Variants in ENTPD7 observed in about 807,000 individuals in gnomAD.
ENTPD7 encodes ectonucleoside triphosphate diphosphohydrolase 7.
ENTPD7 carries 53 observed loss-of-function variants against 77.9 expected under a neutral mutation model. The observed-to-expected ratio is 0.68, with a 90% CI of 0.55 to 0.85. ENTPD7 has a LOEUF of 0.85. Among genes scored for constraint, ENTPD7 ranks in the 40% least tolerant of loss-of-function variants. The pLI is 0.00. For missense variants in ENTPD7, 636 were observed against 743.7 expected (o/e 0.86, Z 1.68); for synonymous variants, 248 against 274.9 (o/e 0.90, Z 0.97).
At chr10:99,667,819 A>G (rs1334477916) in intron 3 of ENTPD7, among the ~76,000 whole-genome samples, 3 of 152,200 alleles carry the variant, frequency 2.0e-5, no homozygotes. Context: ...AGATAGACTC[A>G]ATAACTCAAA....
rs938196303 is a variant in ENTPD7 at position 99,710,409 on chromosome 10, C to G, written c.*5726C>G. 3.1e-5 allele frequency: 31 copies of G among 985,252 alleles called. No homozygotes were observed. The African/African-American group carries it at 5.2e-4, about 17-fold the overall frequency. 61.0% of individuals were successfully genotyped at this position (985,252 alleles called of 1,614,324 possible). ...CTTTATTTCTACCTTGATCAATGGCCTCTGCGGAGTGTAGTGAAAGACATC... is the reference window on the plus strand; with the variant it reads ...CTTTATTTCTACCTTGATCAATGGCGTCTGCGGAGTGTAGTGAAAGACATC... On this transcript the variant is annotated 3_prime_UTR_variant, in exon 13 of 13. Transcript: ENST00000370489.
At chr10:99,689,826 G>A (rs1208926476) in intron 7 of ENTPD7, among the ~76,000 whole-genome samples, 1 of 152,140 alleles carries the variant, frequency 6.6e-6, no homozygotes. Flanking sequence ...TTCTAATTCT[G>A]TCATTCCTTC....
chr10:99,670,473 T>C (rs2035607042), intron 3 of ENTPD7, among the ~76,000 whole-genome samples: 1 of 152,166 alleles, frequency 6.6e-6, no homozygotes, highest in Non-Finnish European at 1.5e-5. Context: ...TATATAATGA[T>C]TGGGATATGT....
At position 99,704,619 on chromosome 10, in the gene ENTPD7, C is replaced by T. The variant is rs1380703981; in HGVS notation, c.1751C>T (p.Ala584Val). The T allele has an allele frequency of 6.2e-7, 1 of 1,614,028 alleles. No homozygotes were observed. The highest frequency in any genetic ancestry group is 8.5e-7 in the Non-Finnish European group (1 of 1,180,038). Residue 584 changes from alanine (A) to valine (V), a missense_variant, in exon 13 of 13, where the codon GCT becomes GTT. Transcript: ENST00000370489. The stretch of plus-strand genomic sequence containing the variant: ...CACCACCGACAAACACGAGCCTCAG[C>T]TCCATTGGACTTGCTGTGGCTTGAA... Reference protein sequence around the residue: ...RIHHRQTRASAPLDLLWLEEV... With the variant: ...RIHHRQTRASVPLDLLWLEEV...
At chr10:99,691,235 T>C (rs1414812853) in intron 7 of ENTPD7, 150 bp from the exon 8 acceptor site, 7 of 768,552 alleles carry the variant, frequency 9.1e-6, no homozygotes, top group Non-Finnish European at 1.4e-5. Context: ...CACATAATCC[T>C]CCCACCTTGG....
At chr10:99,699,041 C>T (rs533054127) in intron 10 of ENTPD7, among the ~76,000 whole-genome samples, 183 bp downstream of exon 10, 11 of 152,318 alleles carry the variant, frequency 7.2e-5, no homozygotes, top group African/African-American at 2.6e-4. Flanking sequence ...TCTAGCTATG[C>T]TGTACTGCCT....
rs145012477 is a variant in ENTPD7 at position 99,688,781 on chromosome 10, A to G, written c.709+31A>G. ...TAATATTGTCTTTTTATGACAGTTTACCTAAGGGCTGAAGATTTAAGTTAT... is the reference window on the plus strand; with the variant it reads ...TAATATTGTCTTTTTATGACAGTTTGCCTAAGGGCTGAAGATTTAAGTTAT... On this transcript the variant is annotated intron_variant, in intron 7 of 12. Transcript: ENST00000370489. 1,079 of 1,607,676 alleles carry G rather than the reference A, an allele frequency of 6.7e-4. 14 individuals carry two copies. In the East Asian group the frequency reaches 0.022, roughly 33 times the overall value.
intron 9 of ENTPD7, among the ~76,000 whole-genome samples, chr10:99,696,539 T>G (rs2035982572): frequency 6.6e-6 from 1 of 152,256 alleles, no homozygotes; most frequent in Non-Finnish European, 1.5e-5. Context: ...TTCTGTAGTA[T>G]GTCTAAAAGA....
At chr10:99,695,894 C>G in intron 8 of ENTPD7, 62 bp from the exon 9 acceptor site, 1 of 1,522,944 alleles carries the variant, frequency 6.6e-7, no homozygotes, top group South Asian at 1.2e-5. Flanking sequence ...TTAGCAATGT[C>G]ATAGCTTTCT....
chr10:99,662,767 G>C (rs975574283), intron 3 of ENTPD7, among the ~76,000 whole-genome samples: 32 of 152,192 alleles, frequency 2.1e-4, no homozygotes, highest in African/African-American at 7.5e-4. Flanking sequence ...AAGACAGATA[G>C]ATCTCCATAC....
At position 99,659,852 on chromosome 10, in the gene ENTPD7, A is replaced by C; in HGVS notation, c.-95-10A>C. The stretch of plus-strand genomic sequence containing the variant: ...CAGTCGGACAGAAGCCTGAAATCAA[A>C]TCTTTCTAGGCTGCAGACGTAGGAG... On this transcript the variant is annotated splice_polypyrimidine_tract_variant and intron_variant, in intron 1 of 12. Coordinates refer to ENST00000370489, the MANE Select transcript of ENTPD7 (RefSeq NM_020354.5). The surrounding 1 kb of genome is among the most constrained non-coding windows in gnomAD (Gnocchi z 4.1). The C allele has an allele frequency of 6.5e-7, 1 of 1,532,738 alleles. No homozygotes were observed. The highest frequency in any genetic ancestry group is 9.0e-7 in the Non-Finnish European group (1 of 1,116,680). The allele number at this position is 1,532,738 out of a possible 1,614,324, so 94.9% of individuals were successfully genotyped here. A position where few individuals can be genotyped will look rare whatever the true frequency, so the allele number is the denominator to read the frequency against.
At chr10:99,680,094 G>A (rs1056040755) in intron 5 of ENTPD7, among the ~76,000 whole-genome samples, 4 of 152,198 alleles carry the variant, frequency 2.6e-5, no homozygotes, top group Non-Finnish European at 4.4e-5. Flanking sequence ...GGGAGTAGTG[G>A]TGATGGTAAT....
rs2036242672 is a variant in ENTPD7, at chr10:99,705,988, C to G, written c.*1305C>G. 6.6e-6 allele frequency: 1 copy of G among 152,176 alleles called. No individual in the cohort carries two copies. Among genetic ancestry groups the G allele is most frequent in the Non-Finnish European group, 1.5e-5 (1 of 68,032 alleles). 9.4% of individuals were successfully genotyped at this position (152,176 alleles called of 1,614,324 possible). A position where few individuals can be genotyped will look rare whatever the true frequency, so the allele number is the denominator to read the frequency against. ...GCATGGAATCTTTCTTATATTTTAC[C>G]CTTTCCTACATGTAGCCTTGAATGT... On this transcript the variant is annotated 3_prime_UTR_variant, in exon 13 of 13. Coordinates refer to ENST00000370489, the MANE Select transcript of ENTPD7 (RefSeq NM_020354.5).
At chr10:99,682,040 T>C (rs768573379) in intron 5 of ENTPD7, among the ~76,000 whole-genome samples, 2 of 152,196 alleles carry the variant, frequency 1.3e-5, no homozygotes, top group Non-Finnish European at 2.9e-5. Flanking sequence ...TTTGATATAG[T>C]CTTACTTGTT....
At chr10:99,661,744 G>T (rs780907827) in intron 3 of ENTPD7, 116 bp downstream of exon 3, 73 of 896,474 alleles carry the variant, frequency 8.1e-5, no homozygotes, top group Non-Finnish European at 1.1e-4. Flanking sequence ...AAAATTGCAT[G>T]CCATTTATTA....
rs2036272383 is a variant in ENTPD7, at chr10:99,707,291, T to G, written c.*2608T>G. 6.6e-6 allele frequency among the ~76,000 whole-genome samples: 1 copy of G among 152,204 alleles called. No individual in the cohort carries two copies. The highest frequency in any genetic ancestry group is 2.4e-5 in the African/African-American group (1 of 41,458). On this transcript the variant is annotated 3_prime_UTR_variant, in exon 13 of 13. Transcript: ENST00000370489. ...CTGAAGGAAAATTTTGTCATATCCC[T>G]CAGAAGAACTGAATATTTATTATTG...
intron 8 of ENTPD7, among the ~76,000 whole-genome samples, chr10:99,692,031 CATTATGTACACCT>C (rs371784233): frequency 0.014 from 2,097 of 152,226 alleles, 53 homozygotes; most frequent in African/African-American, 0.047. Context: ...TTTGTACAGC[CATTATGTACACCT>C]ATTATGTACA....
chr10:99,679,560 G>A, intron 4 of ENTPD7, 94 bp downstream of exon 4: 1 of 1,452,980 alleles, frequency 6.9e-7, no homozygotes, highest in Non-Finnish European at 9.2e-7. Flanking sequence ...TTCTTCTTGA[G>A]AGTCTGGGTA....
rs74152718 is a variant in ENTPD7 at position 99,698,537 on chromosome 10, G to C, written c.1014G>C (p.Leu338Phe). The C allele has an allele frequency of 2.7e-4, 429 of 1,612,510 alleles. 2 individuals carry two copies. In the African/African-American group the frequency reaches 5.1e-3, roughly 19 times the overall value. The change falls in exon 10 of 13, where the codon TTG becomes TTC. Residue 338 changes from leucine (L) to phenylalanine (F), a missense_variant. Physicochemically the swap from Leu to Phe is conservative, Grantham distance 22. Around this residue, in one of 3 missense-constraint regions of ENTPD7, gnomAD observed 486 missense variants for 556.5 expected, o/e 0.87. Transcript: ENST00000370489. ...TTTGTTTTTGTCATTGTGGCAGATT[G>C]CTTGGTCAGAAGACAGGTCTGAGTC... is the stretch of plus-strand genomic sequence containing the variant. Reference protein sequence around the residue: ...VLNETLNKNRLLGQKTGLSPD... With the variant: ...VLNETLNKNRFLGQKTGLSPD...
Sources: gnomAD v4.1 joint callset for allele counts (sites outside exome capture counted in the v4.1 genomes callset) on GRCh38, gnomAD v4.1.1 for gene constraint, gnomAD v4.1.1 regional missense constraint, Gnocchi (gnomAD v3.1) non-coding constraint, MANE v1.5 for transcripts, NCBI Gene and HGNC (gene_info 2026-07-23, HGNC 2026-07-21) for gene names.